The following ZNF107 variants were observed in gnomAD, a reference collection of about 807,000 sequenced individuals.
The protein encoded by ZNF107 is zinc finger protein 107.
A neutral mutation model predicts 12.3 loss-of-function variants in ZNF107; 19 were observed. The observed-to-expected ratio is 1.55, with a 90% CI of 1.08 to 2.27. ZNF107 has a LOEUF of 2.27. ZNF107 is among the 30% of genes most tolerant of loss of function. The pLI is 0.00. For synonymous variants in ZNF107, 317 were observed against 330.5 expected (o/e 0.96, Z 0.44); for missense variants, 958 against 979.9 (o/e 0.98, Z 0.30).
chr7:64,685,599 G>A (rs1789875864), intron 1 of ZNF107, among the ~76,000 whole-genome samples: 1 of 152,130 alleles, frequency 6.6e-6, no homozygotes, highest in Non-Finnish European at 1.5e-5. Flanking sequence ...ATAAAACACA[G>A]GGAGCCACTC....
intron 1 of ZNF107, among the ~76,000 whole-genome samples, chr7:64,668,226 C>T (rs1396132264): frequency 2.0e-5 from 3 of 151,662 alleles, no homozygotes; most frequent in East Asian, 3.9e-4. Context: ...TACATATGTA[C>T]ACATGTGCCC....
intron 1 of ZNF107, among the ~76,000 whole-genome samples, chr7:64,670,054 A>T (rs1002289423): frequency 2.6e-5 from 4 of 152,192 alleles, no homozygotes; most frequent in African/African-American, 9.6e-5. Context: ...AGAGCCCTGG[A>T]CGTCGGGGGA....
chr7:64,679,815 A>G (rs1789580351), intron 1 of ZNF107, among the ~76,000 whole-genome samples: 1 of 152,198 alleles, frequency 6.6e-6, no homozygotes, highest in African/African-American at 2.4e-5. Context: ...GACTTAGACA[A>G]CTTTTGTCAC....
intron 3 of ZNF107, among the ~76,000 whole-genome samples, chr7:64,695,276 G>A (rs1452745415): frequency 6.6e-6 from 1 of 151,842 alleles, no homozygotes; most frequent in Non-Finnish European, 1.5e-5. Context: ...TTTCTCATTA[G>A]CATCTTCTAT....
rs533324498 is a variant in ZNF107 at position 64,679,160 on chromosome 7, T to C, written c.4-12088T>C. On this transcript the variant is annotated intron_variant, in intron 1 of 3. Coordinates refer to ENST00000620827, the MANE Select transcript of ZNF107 (RefSeq NM_001282359.2). ...CGAGCTCACACGAAGCCTGCTTGGG[T>C]TTTCTCTTCAATCCAGACTGTGCCA... 1.3e-3 allele frequency: 1,237 copies of C among 983,620 alleles called. 1 individual carries two copies. The highest frequency in any genetic ancestry group is 1.4e-3 in the Non-Finnish European group (1,144 of 829,514). The allele number at this position is 983,620 out of a possible 1,614,324, so 60.9% of individuals were successfully genotyped here. A position where few individuals can be genotyped will look rare whatever the true frequency, so the allele number is the denominator to read the frequency against.
intron 1 of ZNF107, among the ~76,000 whole-genome samples, chr7:64,683,452 T>C (rs1252433759): frequency 6.6e-6 from 1 of 152,234 alleles, no homozygotes; most frequent in African/African-American, 2.4e-5. Flanking sequence ...TTCCAGTCTC[T>C]GCTCCAAAAG....
Position 64,706,634 on chromosome 7 carries a change from C to A in ZNF107, c.537C>A (p.Ser179Arg), listed in dbSNP as rs139444841. 5.1e-5 allele frequency: 82 copies of A among 1,613,410 alleles called. No homozygotes were observed. The African/African-American group carries it at 8.7e-4, about 17-fold the overall frequency. Residue 179 changes from serine to arginine, a missense_variant, in exon 4 of 4, where the codon AGC (serine) becomes AGA (arginine). Physicochemically the swap from Ser to Arg is moderately radical, Grantham distance 110 (BLOSUM62 -1). Transcript: ENST00000620827. ...AACACTTCAAATGTAAAGAATGTAGCAAATCATTTTGCGTGCTTTCACAAC... is the reference window on the plus strand; with the variant it reads ...AACACTTCAAATGTAAAGAATGTAGAAAATCATTTTGCGTGCTTTCACAAC... ...GNKHFKCKEC[S>R]KSFCVLSQLT...
At chr7:64,685,590 TA>T (rs1056980408) in intron 1 of ZNF107, among the ~76,000 whole-genome samples, 7 of 152,006 alleles carry the variant, frequency 4.6e-5, no homozygotes, top group Non-Finnish European at 7.4e-5. Flanking sequence ...AATGGGAAAA[TA>T]AAACACAGGG....
At chr7:64,671,503 A>T (rs1285028561) in intron 1 of ZNF107, among the ~76,000 whole-genome samples, 2 of 152,124 alleles carry the variant, frequency 1.3e-5, no homozygotes, top group Admixed American at 1.3e-4. Context: ...ATTCTGGACC[A>T]CCTGTTCATA....
In ZNF107 at chr7:64,708,784, G is replaced by T; in HGVS notation, c.*128G>T. 1.1e-6 allele frequency: 1 copy of T among 896,642 alleles called. No individual in the cohort carries two copies. The highest frequency in any genetic ancestry group is 1.7e-6 in the Non-Finnish European group (1 of 599,866). 55.5% of individuals were successfully genotyped at this position (896,642 alleles called of 1,614,324 possible). A position where few individuals can be genotyped will look rare whatever the true frequency, so the allele number is the denominator to read the frequency against. On this transcript the variant is annotated 3_prime_UTR_variant, in exon 4 of 4. Coordinates refer to ENST00000620827, the MANE Select transcript of ZNF107 (RefSeq NM_001282359.2). The stretch of plus-strand genomic sequence containing the variant: ...CACACACGAGGTATTTTATACTGGT[G>T]AGAAACCTTACAATGTAAAGAATGT...
At chr7:64,700,209 G>A (rs892584499) in intron 3 of ZNF107, among the ~76,000 whole-genome samples, 1 of 152,142 alleles carries the variant, frequency 6.6e-6, no homozygotes, top group East Asian at 1.9e-4. Context: ...AATGTTGGAT[G>A]TAAAACCTGG....
rs371689773 is a variant in ZNF107, at chr7:64,706,659, C to T, written c.562C>T (p.Leu188=). The T allele has an allele frequency of 1.5e-4, 239 of 1,613,356 alleles. 1 individual carries two copies. Among genetic ancestry groups the T allele is most frequent in the Non-Finnish European group, 2.0e-4 (234 of 1,179,680 alleles). ...CSKSFCVLSQ[L]TQHRRIHTRV... ...CAAATCATTTTGCGTGCTTTCACAA[C>T]TAACTCAGCATAGAAGAATTCATAC... The change falls in exon 4 of 4, where the codon CTA becomes TTA. Residue 188 remains leucine, a synonymous_variant. Coordinates refer to ENST00000620827, the MANE Select transcript of ZNF107 (RefSeq NM_001282359.2).
Position 64,708,326 on chromosome 7 carries a change from C to T in ZNF107, c.2229C>T (p.Asn743=), listed in dbSNP as rs759662102. The T allele has an allele frequency of 6.2e-7, 1 of 1,613,146 alleles. No individual in the cohort carries two copies. The highest frequency in any genetic ancestry group is 8.5e-7 in the Non-Finnish European group (1 of 1,179,684). ...GTAAAGAATGTGGCAAAGCTTTTAA[C>T]CTATCCTCAACCCTTACTGCACATA... ...YKCKECGKAF[N]LSSTLTAHKK... The change falls in exon 4 of 4, where the codon AAC becomes AAT. Residue 743 remains asparagine (N), a synonymous_variant. Transcript: ENST00000620827.
intron 1 of ZNF107, chr7:64,687,388 C>A: frequency 1.0e-6 from 1 of 985,424 alleles, no homozygotes; most frequent in Non-Finnish European, 1.2e-6. Context: ...GCAGGCTCTC[C>A]TCCTGCAACT....
intron 3 of ZNF107, among the ~76,000 whole-genome samples, chr7:64,698,843 T>C (rs1790379403): frequency 6.6e-6 from 1 of 152,216 alleles, no homozygotes; most frequent in Non-Finnish European, 1.5e-5. Context: ...TTTTAAAATA[T>C]TTTTTGTATT....
chr7:64,711,434 G>A lies in ZNF107; in HGVS notation c.*2778G>A, dbSNP rs1790882033. 6.6e-6 allele frequency: 1 copy of A among 152,036 alleles called. No individual in the cohort carries two copies. The highest frequency in any genetic ancestry group is 2.1e-4 in the South Asian group (1 of 4,832). The allele number at this position is 152,036 out of a possible 1,614,324, so 9.4% of individuals were successfully genotyped here. On this transcript the variant is annotated 3_prime_UTR_variant, in exon 4 of 4. Coordinates refer to ENST00000620827, the MANE Select transcript of ZNF107 (RefSeq NM_001282359.2). ...CCATCAACTCCAGCATTTCTCCTTT[G>A]TATTACAAACCAATTCTGCACTTTT...
At chr7:64,683,720 AT>A (rs1291879005) in intron 1 of ZNF107, among the ~76,000 whole-genome samples, 4 of 152,002 alleles carry the variant, frequency 2.6e-5, no homozygotes, top group Non-Finnish European at 5.9e-5. Flanking sequence ...TCACTTCTTA[AT>A]GTTCTGTCTG....
At chr7:64,690,834 C>T (rs1387427801) in intron 1 of ZNF107, among the ~76,000 whole-genome samples, 3 of 152,144 alleles carry the variant, frequency 2.0e-5, no homozygotes, top group Non-Finnish European at 2.9e-5. Flanking sequence ...TTTTGCCTCC[C>T]GGGTTCCAGC....
At chr7:64,703,715 C>A (rs1790548425) in intron 3 of ZNF107, among the ~76,000 whole-genome samples, 1 of 152,132 alleles carries the variant, frequency 6.6e-6, no homozygotes, top group South Asian at 2.1e-4. Flanking sequence ...AGGTCTGAGC[C>A]ACCGTGCCTG....
Sources: allele counts gnomAD v4.1 joint callset (sites outside exome capture counted in the v4.1 genomes callset), GRCh38; gene constraint gnomAD v4.1.1; transcripts MANE v1.5; gene names NCBI Gene and HGNC (gene_info 2026-07-23, HGNC 2026-07-21).